CCDC102B: variants seen among roughly 807,000 people sequenced by gnomAD.
CCDC102B encodes the protein coiled-coil domain-containing protein 102B.
A neutral mutation model predicts 57.4 loss-of-function variants in CCDC102B; 75 were observed. That is an observed-to-expected ratio of 1.31 (90% CI 1.08 to 1.58). CCDC102B has a LOEUF of 1.58. Ranked by LOEUF, CCDC102B falls within the 40% of genes most tolerant of loss-of-function variation. The pLI is 0.00. For missense variants in CCDC102B, 636 were observed against 582.6 expected (o/e 1.09, Z -0.94); for synonymous variants, 206 against 201.9 (o/e 1.02, Z -0.17).
intron 6 of CCDC102B, among the ~76,000 whole-genome samples, chr18:68,916,836 C>T (rs963133972): frequency 5.9e-5 from 9 of 152,254 alleles, no homozygotes; most frequent in East Asian, 5.8e-4. Flanking sequence ...GAAAGGAAAT[C>T]GGTACCTGGG....
intron 7 of CCDC102B, 103 bp downstream of exon 7, chr18:69,011,207 T>G: frequency 1.0e-6 from 1 of 1,003,584 alleles, no homozygotes; most frequent in East Asian, 2.6e-5. Flanking sequence ...TAATGGGATA[T>G]AAATATTCAT....
chr18:68,867,766 C>A (rs1652666940), intron 4 of CCDC102B, among the ~76,000 whole-genome samples: 2 of 125,692 alleles, frequency 1.6e-5, no homozygotes, highest in South Asian at 6.5e-4. Flanking sequence ...AACCCCGTCT[C>A]TACTAAAAAT....
intron 6 of CCDC102B, among the ~76,000 whole-genome samples, chr18:68,963,039 T>C (rs1464991964): frequency 6.6e-6 from 1 of 151,972 alleles, no homozygotes; most frequent in African/African-American, 2.4e-5. Flanking sequence ...TGCATTTCAG[T>C]TTAGGTAGAG....
chr18:69,027,201 C>T (rs978640148), intron 7 of CCDC102B, among the ~76,000 whole-genome samples: 5 of 152,112 alleles, frequency 3.3e-5, no homozygotes, highest in African/African-American at 1.2e-4. Flanking sequence ...CCTTAAAAAT[C>T]GTGTACCTTC....
chr18:68,931,133 A>AT (rs1568337100), intron 6 of CCDC102B, among the ~76,000 whole-genome samples: 3 of 151,336 alleles, frequency 2.0e-5, no homozygotes, highest in South Asian at 4.2e-4. Context: ...TTGTGGCCAC[A>AT]TTTTTTTTCA....
chr18:68,784,783 A>C (rs1204410845), intron 2 of CCDC102B, among the ~76,000 whole-genome samples: 1 of 152,132 alleles, frequency 6.6e-6, no homozygotes, highest in Non-Finnish European at 1.5e-5. Context: ...TACTTGGTTC[A>C]GATTGTCTTT....
At chr18:68,793,905 G>GTAAC (rs1489738364), upstream of CCDC102B, among the ~76,000 whole-genome samples, 1 of 152,144 alleles carries the variant, frequency 6.6e-6, no homozygotes, top group East Asian at 1.9e-4. Context: ...AGAGATAGAT[G>GTAAC]TAACATTGGG....
intron 6 of CCDC102B, among the ~76,000 whole-genome samples, chr18:68,983,159 GT>G (rs199978790): frequency 0.027 from 3,954 of 144,294 alleles, 116 homozygotes; most frequent in East Asian, 0.12. Context: ...TGATTAAAAG[GT>G]TTTTTTTTTT....
rs560906581 is a variant in CCDC102B at position 68,839,952 on chromosome 18, G to T, written c.827+1026G>T. 9.9e-5 allele frequency among the ~76,000 whole-genome samples: 15 copies of T among 152,228 alleles called. No individual in the cohort carries two copies. In the South Asian group the frequency reaches 3.1e-3, roughly 32 times the overall value. On this transcript the variant is annotated intron_variant, in intron 3 of 7. Transcript: ENST00000360242. Reference sequence around the variant, plus strand: ...ACAATTTTATAATAAGGGTGTGTGGGATGCAGTCATTGTGGCAACGATCTT... The same window carrying T: ...ACAATTTTATAATAAGGGTGTGTGGTATGCAGTCATTGTGGCAACGATCTT...
At chr18:68,750,758 T>A (rs1317648605) in intron 2 of CCDC102B, among the ~76,000 whole-genome samples, 1 of 132,068 alleles carries the variant, frequency 7.6e-6, no homozygotes, top group Admixed American at 8.5e-5. Context: ...ATGAGAACAC[T>A]TGGACACAGG....
chr18:69,038,950 A>C (rs1030137466), intron 7 of CCDC102B, among the ~76,000 whole-genome samples: 17 of 151,992 alleles, frequency 1.1e-4, no homozygotes, highest in African/African-American at 4.1e-4. Context: ...CATTTTTATT[A>C]AATACTAATC....
At chr18:68,734,196 C>G (rs1787260) in intron 2 of CCDC102B, among the ~76,000 whole-genome samples, 111,632 of 152,138 alleles carry the variant, frequency 0.73, 44,773 homozygotes, top group South Asian at 0.93. Flanking sequence ...CCGGGAGGAA[C>G]AGAAGAGAAT....
chr18:68,911,751 C>CAAAAA lies in CCDC102B; in HGVS notation c.1263+14343_1263+14347dup, dbSNP rs74175338. Among the ~76,000 whole-genome samples, 102 of 17,948 alleles carry CAAAAA rather than the reference C, an allele frequency of 5.7e-3. 10 individuals carry two copies. The highest frequency in any genetic ancestry group is 0.016 in the African/African-American group (85 of 5,338). 11.8% of individuals were successfully genotyped at this position (17,948 alleles called of 152,430 possible). A position where few individuals can be genotyped will look rare whatever the true frequency, so the allele number is the denominator to read the frequency against. The stretch of plus-strand genomic sequence containing the variant: ...TGGGCGACAGAGCGAGACTCCGTCT[C>CAAAAA]AAAAAAAAAAAAAAAAAAAAAAAAG... On this transcript the variant is annotated intron_variant, in intron 6 of 7. Coordinates refer to ENST00000360242, the MANE Select transcript of CCDC102B (RefSeq NM_024781.3).
chr18:68,768,532 T>C (rs184355287), intron 2 of CCDC102B, among the ~76,000 whole-genome samples: 1 of 152,180 alleles, frequency 6.6e-6, no homozygotes, highest in Non-Finnish European at 1.5e-5. Flanking sequence ...TATGAAACAT[T>C]GCACAATTTA....
intron 6 of CCDC102B, among the ~76,000 whole-genome samples, chr18:68,995,644 T>C (rs1033326946): frequency 1.3e-5 from 2 of 152,030 alleles, no homozygotes; most frequent in East Asian, 3.9e-4. Flanking sequence ...TCAGAGGATG[T>C]ATGGAAATGC....
At chr18:68,797,155 G>A (rs1007289474), upstream of CCDC102B, among the ~76,000 whole-genome samples, 3 of 152,036 alleles carry the variant, frequency 2.0e-5, no homozygotes, top group Non-Finnish European at 4.4e-5. Context: ...CAGGAAGATG[G>A]CCACCTTTTC....
rs950555671 is a variant in CCDC102B, at chr18:69,005,445, A to C, written c.1264-5489A>C. Among the ~76,000 whole-genome samples, 91 of 152,156 alleles carry C rather than the reference A, an allele frequency of 6.0e-4. 1 individual carries two copies. The highest frequency in any genetic ancestry group is 1.3e-4 in the Non-Finnish European group (9 of 67,990). ...ATAAACTTCTATGTATTATTAAAAA[A>C]TTTGAATGGATAGAAATAACATATA... On this transcript the variant is annotated intron_variant, in intron 6 of 7. Coordinates refer to ENST00000360242, the MANE Select transcript of CCDC102B (RefSeq NM_024781.3).
In CCDC102B at chr18:69,049,187, C is replaced by CGTA. The variant is rs1568149887; in HGVS notation, c.1435-4840_1435-4838dup. On this transcript the variant is annotated intron_variant, in intron 7 of 7. Coordinates refer to ENST00000360242, the MANE Select transcript of CCDC102B (RefSeq NM_024781.3). Reference sequence around the variant, plus strand: ...GTATCTCTCCTAATGGTATCCGTCCCGTAGTCCCCTACCCCCTGACAGGCC... The same window carrying CGTA: ...GTATCTCTCCTAATGGTATCCGTCCCGTAGTAGTCCCCTACCCCCTGACAGGCC... Among the ~76,000 whole-genome samples, 5 of 152,074 alleles carry CGTA rather than the reference C, an allele frequency of 3.3e-5. No individual in the cohort carries two copies. The South Asian group carries it at 1.0e-3, about 32-fold the overall frequency.
chr18:68,801,884 A>G lies in CCDC102B; in HGVS notation c.-16+3703A>G, dbSNP rs554490198. The stretch of plus-strand genomic sequence containing the variant: ...AGGCATTAGGTGAAAGATTACATTT[A>G]TGACCTCTGCAAAAGATCAAATAGT... On this transcript the variant is annotated intron_variant, in intron 1 of 7. Coordinates refer to ENST00000360242, the MANE Select transcript of CCDC102B (RefSeq NM_024781.3). Among the ~76,000 whole-genome samples, 7 of 152,266 alleles carry G rather than the reference A, an allele frequency of 4.6e-5. No individual in the cohort carries two copies. In the South Asian group the frequency reaches 1.5e-3, roughly 32 times the overall value.
Sources: allele counts gnomAD v4.1 joint callset (sites outside exome capture counted in the v4.1 genomes callset), GRCh38; gene constraint gnomAD v4.1.1; transcripts MANE v1.5; gene names NCBI Gene and HGNC (gene_info 2026-07-23, HGNC 2026-07-21).